Variants in LDB3 observed in about 807,000 individuals in gnomAD.
LDB3 encodes LIM domain binding 3.
LDB3 carries 49 observed loss-of-function variants against 69.0 expected under a neutral mutation model. The ratio of observed to expected loss-of-function variants is 0.71; its 90% CI spans 0.56 to 0.90. The LOEUF (loss-of-function observed/expected upper bound fraction) is 0.90, where lower values mean the gene tolerates loss of function less well. Ranked by LOEUF, LDB3 falls within the 40% of genes least tolerant of loss-of-function variation. The pLI is 0.00. For missense variants in LDB3, 928 were observed against 974.1 expected (o/e 0.95, Z 0.63); for synonymous variants, 387 against 396.2 (o/e 0.98, Z 0.28).
At chr10:86,693,435 C>G (rs1025276879) in intron 7 of LDB3, among the ~76,000 whole-genome samples, 3 of 152,260 alleles carry the variant, frequency 2.0e-5, no homozygotes, top group Non-Finnish European at 4.4e-5. Context: ...ACCCTCCCAT[C>G]CTGGGCCAAG....
At chr10:86,721,528 A>G (rs1209357815) in intron 12 of LDB3, among the ~76,000 whole-genome samples, 1 of 152,230 alleles carries the variant, frequency 6.6e-6, no homozygotes, top group Non-Finnish European at 1.5e-5. Flanking sequence ...TAGGGAACTT[A>G]ACAAACTAGA....
intron 2 of LDB3, among the ~76,000 whole-genome samples, chr10:86,675,616 T>A (rs1481788391): frequency 6.6e-6 from 1 of 152,204 alleles, no homozygotes; most frequent in Non-Finnish European, 1.5e-5. Context: ...CATGGGCAGT[T>A]CACTAGGACA....
chr10:86,681,908 T>C, intron 5 of LDB3, 105 bp downstream of exon 5: 1 of 1,193,190 alleles, frequency 8.4e-7, no homozygotes, highest in Non-Finnish European at 1.2e-6. Context: ...CTGGCCCCAA[T>C]CCAGCCAGCC....
intron 12 of LDB3, among the ~76,000 whole-genome samples, chr10:86,720,278 C>T (rs1447525629): frequency 6.6e-6 from 1 of 152,102 alleles, no homozygotes; most frequent in Non-Finnish European, 1.5e-5. Flanking sequence ...AACCCCATCT[C>T]TACAAAAATA....
At chr10:86,713,191 C>T (rs192317199) in intron 9 of LDB3, among the ~76,000 whole-genome samples, 36 of 152,268 alleles carry the variant, frequency 2.4e-4, no homozygotes, top group African/African-American at 8.4e-4. Context: ...ATTTCAGCTG[C>T]TCATCGGCCA....
At chr10:86,707,973 T>C (rs1054095130) in intron 8 of LDB3, among the ~76,000 whole-genome samples, 4 of 152,248 alleles carry the variant, frequency 2.6e-5, no homozygotes, top group Non-Finnish European at 5.9e-5. Flanking sequence ...GAAATGCCTC[T>C]GTTTTTGAGT....
Position 86,716,446 on chromosome 10 carries a change from C to T in LDB3, c.1351C>T (p.Pro451Ser). The T allele has an allele frequency of 6.3e-7, 1 of 1,598,356 alleles. No homozygotes were observed. The highest frequency in any genetic ancestry group is 8.5e-7 in the Non-Finnish European group (1 of 1,173,228). ...PAPAYTPSPVPTYTPSPAPAY... is the reference protein window; with the variant it reads ...PAPAYTPSPVSTYTPSPAPAY... ...CCCTGCCTACACCCCCTCACCTGTCCCCACCTACACTCCATCCCCAGCACC... is the reference window on the plus strand; with the variant it reads ...CCCTGCCTACACCCCCTCACCTGTCTCCACCTACACTCCATCCCCAGCACC... Residue 451 changes from proline to serine, a missense_variant, in exon 10 of 14, where the codon CCC (proline) becomes TCC (serine). Physicochemically the swap from Pro to Ser is moderately conservative, Grantham distance 74. Transcript: ENST00000361373.
At chr10:86,706,083 A>G (rs753613443) in intron 7 of LDB3, among the ~76,000 whole-genome samples, 14 of 152,122 alleles carry the variant, frequency 9.2e-5, no homozygotes, top group Non-Finnish European at 1.2e-4. Flanking sequence ...TGACACTCAA[A>G]TATCTTCACT....
chr10:86,687,322 G>A (rs1204862187), intron 5 of LDB3: 1 of 1,558,320 alleles, frequency 6.4e-7, no homozygotes, highest in Non-Finnish European at 8.9e-7. Context: ...GAGCCCGAGG[G>A]GTATGGGCCA....
At chr10:86,701,003 C>T (rs1846239603) in intron 7 of LDB3, among the ~76,000 whole-genome samples, 1 of 152,234 alleles carries the variant, frequency 6.6e-6, no homozygotes, top group Non-Finnish European at 1.5e-5. Context: ...GAGGCTTTCC[C>T]TCTGCCTCCA....
chr10:86,724,597 C>T (rs375963276), intron 12 of LDB3, among the ~76,000 whole-genome samples: 37 of 147,238 alleles, frequency 2.5e-4, no homozygotes, highest in African/African-American at 8.1e-4. Flanking sequence ...AGTGAGACTC[C>T]GTCGCAAAAA....
In LDB3 at chr10:86,680,146, C is replaced by T. The variant is rs1248183813; in HGVS notation, c.310C>T (p.Pro104Ser). 6.2e-7 allele frequency: 1 copy of T among 1,614,074 alleles called. No individual in the cohort carries two copies. The highest frequency in any genetic ancestry group is 1.7e-5 in the Admixed American group (1 of 60,034). Residue 104 changes from proline to serine, a missense_variant, in exon 4 of 14, where the codon CCT becomes TCT. Coordinates refer to ENST00000361373, the MANE Select transcript of LDB3 (RefSeq NM_007078.3). ...PPVQTPLPVI[P>S]HQKDPALDTN... ...AGTCCAGACCCCTCTGCCGGTGATC[C>T]CTCACCAGAAGGTAGGTGCTGACTG...
chr10:86,693,012 C>T (rs1845840941), intron 7 of LDB3, among the ~76,000 whole-genome samples: 1 of 152,316 alleles, frequency 6.6e-6, no homozygotes, highest in East Asian at 1.9e-4. Context: ...GAACGCCTGA[C>T]CCCTGGACTC....
At chr10:86,668,444 G>T, upstream of LDB3, 1 of 588,452 alleles carries the variant, frequency 1.7e-6, no homozygotes, top group Non-Finnish European at 3.1e-6. Context: ...GCACAGTGTA[G>T]GGTTACAGTC....
At chr10:86,718,664 G>C in intron 11 of LDB3, 63 bp from the exon 12 acceptor site, 1 of 1,611,836 alleles carries the variant, frequency 6.2e-7, no homozygotes, top group Non-Finnish European at 8.5e-7. Context: ...GCTGGAGCCT[G>C]GTGGGGTAGT....
At chr10:86,716,832 C>A in intron 10 of LDB3, 61 bp downstream of exon 10, 2 of 1,521,460 alleles carry the variant, frequency 1.3e-6, no homozygotes, top group Admixed American at 1.9e-5. Flanking sequence ...GGGGTGCTTG[C>A]CCACAGTCTG....
intron 12 of LDB3, among the ~76,000 whole-genome samples, chr10:86,721,530 C>T (rs990362051): frequency 1.3e-4 from 20 of 152,190 alleles, no homozygotes; most frequent in African/African-American, 4.8e-4. Context: ...GGGAACTTAA[C>T]AAACTAGAGA....
chr10:86,726,096 C>A (rs1847241665), intron 12 of LDB3, 41 bp from the exon 13 acceptor site: 1 of 1,483,872 alleles, frequency 6.7e-7, no homozygotes, highest in Admixed American at 1.7e-5. Context: ...TCCCCGCTGC[C>A]CCCACTGGGT....
chr10:86,705,289 A>C (rs1198565933), intron 7 of LDB3, among the ~76,000 whole-genome samples: 3 of 152,198 alleles, frequency 2.0e-5, no homozygotes, highest in Non-Finnish European at 4.4e-5. Context: ...AGAGTCCATG[A>C]TACCAACATC....
Sources: gnomAD v4.1 joint callset for allele counts (sites outside exome capture counted in the v4.1 genomes callset) on GRCh38, gnomAD v4.1.1 for gene constraint, MANE v1.5 for transcripts, NCBI Gene and HGNC (gene_info 2026-07-23, HGNC 2026-07-21) for gene names.